Variants in SERPINA11 observed in about 807,000 individuals in gnomAD.
SERPINA11 encodes serpin A11.
A neutral mutation model predicts 29.4 loss-of-function variants in SERPINA11; 28 were observed. The observed-to-expected ratio is 0.95, with a 90% CI of 0.70 to 1.30. The LOEUF is 1.30. Ranked by LOEUF, SERPINA11 falls within the 50% of genes most tolerant of loss-of-function variation. The pLI is 0.00. For synonymous variants in SERPINA11, 253 were observed against 206.6 expected, an observed-to-expected ratio of 1.22 and a Z score of -1.92; for missense variants, 530 against 507.3, an observed-to-expected ratio of 1.04 and a Z score of -0.43.
chr14:94,447,589 G>T (rs943635445), intron 2 of SERPINA11, among the ~76,000 whole-genome samples: 3 of 152,128 alleles, frequency 2.0e-5, no homozygotes, highest in South Asian at 2.1e-4. Context: ...CAATTCTAAG[G>T]TTCCCTGAAT....
chr14:94,450,743 G>A (rs2139781083), intron 1 of SERPINA11, among the ~76,000 whole-genome samples: 1 of 152,306 alleles, frequency 6.6e-6, no homozygotes, highest in South Asian at 2.1e-4. Flanking sequence ...GGATCAAAGT[G>A]GTACAGGAGC....
At chr14:94,449,359 C>A (rs1295910794) in intron 1 of SERPINA11, among the ~76,000 whole-genome samples, 1 of 151,532 alleles carries the variant, frequency 6.6e-6, no homozygotes, top group African/African-American at 2.4e-5. Flanking sequence ...ACCACAACAG[C>A]AAAACAACTT....
chr14:94,446,717 G>C (rs1898446672), intron 2 of SERPINA11, 113 bp from the exon 3 acceptor site: 1 of 1,073,502 alleles, frequency 9.3e-7, no homozygotes, highest in Non-Finnish European at 1.4e-6. Context: ...GGCAAAAAAT[G>C]TGGAATGGTT....
rs752907832 is a variant in SERPINA11, at chr14:94,448,468, G to A, written c.307C>T (p.Leu103=). Residue 103 remains leucine, a synonymous_variant, in exon 2 of 5, where the codon CTG becomes TTG. Coordinates refer to ENST00000334708, the MANE Select transcript of SERPINA11 (RefSeq NM_001080451.2). ...ANTSALILEG[L]GFNLTETPEA... The stretch of plus-strand genomic sequence containing the variant: ...GGGGTTTCTGTGAGGTTGAATCCCA[G>A]GCCCTCCAGGATCAGAGCTGAGGTG... 5.0e-6 allele frequency: 8 copies of A among 1,614,166 alleles called. No individual in the cohort carries two copies. In the South Asian group the frequency reaches 7.7e-5, roughly 16 times the overall value.
chr14:94,449,475 T>TTCTTTCTTTC, intron 1 of SERPINA11, among the ~76,000 whole-genome samples: 1 of 91,400 alleles, frequency 1.1e-5, no homozygotes, highest in African/African-American at 5.1e-5. Context: ...CTTTCTTTCT[T>TTCTTTCTTTC]TCTTTCTGTC....
intron 4 of SERPINA11, 119 bp from the exon 5 acceptor site, chr14:94,442,928 C>T: frequency 1.6e-6 from 2 of 1,262,242 alleles, no homozygotes; most frequent in Non-Finnish European, 2.2e-6. Context: ...GAAGGAAAAG[C>T]CCATGAAGAG....
chr14:94,449,430 T>C (rs1463388850), intron 1 of SERPINA11, among the ~76,000 whole-genome samples: 1 of 98,186 alleles, frequency 1.0e-5, no homozygotes, highest in Non-Finnish European at 1.9e-5. Context: ...TCTTTCTTTC[T>C]TTCTTTCTTT....
intron 2 of SERPINA11, 90 bp downstream of exon 2, chr14:94,448,042 G>A: frequency 8.0e-7 from 1 of 1,246,528 alleles, no homozygotes; most frequent in African/African-American, 1.5e-5. Context: ...TTCCCCAAGT[G>A]GTTAGCAAAG....
chr14:94,448,504 C>G lies in SERPINA11; in HGVS notation c.271G>C (p.Ala91Pro), dbSNP rs368570129. 143 of 1,614,022 alleles carry G rather than the reference C, an allele frequency of 8.9e-5. No homozygotes were observed. Among genetic ancestry groups the G allele is most frequent in the East Asian group, 1.6e-4 (7 of 44,892 alleles). Residue 91 changes from alanine to proline, a missense_variant, in exon 2 of 5, where the codon GCC becomes CCC. Ala to Pro is a conservative substitution (Grantham distance 27). Coordinates refer to ENST00000334708, the MANE Select transcript of SERPINA11 (RefSeq NM_001080451.2). ...ATCAGAGCTGAGGTGTTAGCTTGGG[C>G]CCCAAGAGAGAGCAGGGCCAGGGTG... Reference protein sequence around the residue: ...STTLALLSLGAQANTSALILE... With the variant: ...STTLALLSLGPQANTSALILE...
In SERPINA11 at chr14:94,448,118, A is replaced by T. The variant is rs10129672; in HGVS notation, c.643+14T>A. The T allele has an allele frequency of 0.72, 1,163,137 of 1,605,458 alleles. 422,584 individuals carry two copies. The highest frequency in any genetic ancestry group is 0.78 in the African/African-American group (58,231 of 74,712). On this transcript the variant is annotated intron_variant, in intron 2 of 4. Coordinates refer to ENST00000334708, the MANE Select transcript of SERPINA11 (RefSeq NM_001080451.2). ...CAGAGGCAGTGGCAATAATTCTGTCAGAGCAAGCCTCACCTTTGAAGAAGA... is the reference window on the plus strand; with the variant it reads ...CAGAGGCAGTGGCAATAATTCTGTCTGAGCAAGCCTCACCTTTGAAGAAGA...
intron 1 of SERPINA11, among the ~76,000 whole-genome samples, chr14:94,450,460 G>A (rs1452421434): frequency 4.6e-5 from 7 of 152,144 alleles, no homozygotes; most frequent in Admixed American, 4.6e-4. Context: ...TACAAGCCGA[G>A]GAAAGCGAAA....
chr14:94,442,978 C>A lies in SERPINA11; in HGVS notation c.1065+100G>T, dbSNP rs918949055. The A allele has an allele frequency of 4.2e-6, 6 of 1,434,602 alleles. No individual in the cohort carries two copies. The African/African-American group carries it at 8.6e-5, about 21-fold the overall frequency. 88.9% of individuals were successfully genotyped at this position (1,434,602 alleles called of 1,614,324 possible). On this transcript the variant is annotated intron_variant, in intron 4 of 4. Transcript: ENST00000334708. ...GTGGTATTAAATAGTCTGCACAGGACAAAGAACAAGGAACTTGACTTTTAA... is the reference window on the plus strand; with the variant it reads ...GTGGTATTAAATAGTCTGCACAGGAAAAAGAACAAGGAACTTGACTTTTAA...
chr14:94,446,481 T>C lies in SERPINA11; in HGVS notation c.767A>G (p.Asp256Gly), dbSNP rs1172545725. Residue 256 changes from aspartate (D) to glycine (G), a missense_variant, in exon 3 of 5, where the codon GAC becomes GGC. Transcript: ENST00000334708. ...GAGGACGGTGCAAGCCAAATCCTGG[T>C]CATAGAGGAATCTGTGCATTTCCTT... ...HQKEMHRFLY[D>G]QDLACTVLQI... 5 of 1,614,056 alleles carry C rather than the reference T, an allele frequency of 3.1e-6. No homozygotes were observed. The highest frequency in any genetic ancestry group is 3.4e-6 in the Non-Finnish European group (4 of 1,180,032).
chr14:94,443,592 T>C (rs1381725216), intron 3 of SERPINA11, among the ~76,000 whole-genome samples: 1 of 152,240 alleles, frequency 6.6e-6, no homozygotes, highest in East Asian at 1.9e-4. Flanking sequence ...GTCAACATCT[T>C]CCCACTTCCG....
intron 1 of SERPINA11, among the ~76,000 whole-genome samples, chr14:94,449,427 TTCTTTCTTTC>T (rs1898528122): frequency 2.1e-5 from 2 of 94,446 alleles, no homozygotes; most frequent in South Asian, 7.8e-4. Context: ...CTTTCTTTCT[TTCTTTCTTTC>T]TTTCTTTCTT....
In SERPINA11 at chr14:94,449,475, T is replaced by TTC. The variant is rs1361964397; in HGVS notation, c.-3-700_-3-699dup. 7.1e-3 allele frequency among the ~76,000 whole-genome samples: 647 copies of TTC among 91,370 alleles called. 51 individuals are homozygous for TTC. Among genetic ancestry groups the TTC allele is most frequent in the African/African-American group, 0.03 (597 of 19,724 alleles). The allele number at this position is 91,370 out of a possible 152,430, so 59.9% of individuals were successfully genotyped here. A position where few individuals can be genotyped will look rare whatever the true frequency, so the allele number is the denominator to read the frequency against. On this transcript the variant is annotated intron_variant, in intron 1 of 4. Coordinates refer to ENST00000334708, the MANE Select transcript of SERPINA11 (RefSeq NM_001080451.2). ...TTTCTTTCTTTCTTTCTTTCTTTCT[T>TTC]TCTTTCTGTCTGTCTGTCTTTCTTT...
chr14:94,443,007 T>A, intron 4 of SERPINA11, 71 bp downstream of exon 4: 1 of 1,511,098 alleles, frequency 6.6e-7, no homozygotes, highest in Admixed American at 2.1e-5. Context: ...CTTTTAAATG[T>A]CCCACATGCC....
In SERPINA11 at chr14:94,449,475, TTCTTTCTGTCTGTCTGTCTTTCTTTC is replaced by T. The variant is rs1566784746; in HGVS notation, c.-3-724_-3-699del. ...TTTCTTTCTTTCTTTCTTTCTTTCT[TTCTTTCTGTCTGTCTGTCTTTCTTTC>T]TCTTTCTTTTTCTTTCTTTCTTTCT... On this transcript the variant is annotated intron_variant, in intron 1 of 4. Transcript: ENST00000334708. Among the ~76,000 whole-genome samples, 151 of 91,394 alleles carry T rather than the reference TTCTTTCTGTCTGTCTGTCTTTCTTTC, an allele frequency of 1.7e-3. 7 individuals are homozygous for T. The highest frequency in any genetic ancestry group is 4.7e-3 in the Admixed American group (41 of 8,742). The allele number at this position is 91,394 out of a possible 152,430, so 60.0% of individuals were successfully genotyped here. A position where few individuals can be genotyped will look rare whatever the true frequency, so the allele number is the denominator to read the frequency against.
chr14:94,442,889 T>C, intron 4 of SERPINA11, 80 bp from the exon 5 acceptor site: 6 of 1,360,810 alleles, frequency 4.4e-6, no homozygotes, highest in Admixed American at 2.3e-5. Flanking sequence ...CCATGAAGAA[T>C]AGAAGGGACC....
Sources: gnomAD v4.1 joint callset for allele counts (sites outside exome capture counted in the v4.1 genomes callset) on GRCh38, gnomAD v4.1.1 for gene constraint, MANE v1.5 for transcripts, NCBI Gene and HGNC (gene_info 2026-07-23, HGNC 2026-07-21) for gene names.